Variants in IL9R observed in about 807,000 individuals in gnomAD.
IL9R encodes the protein interleukin 9 receptor.
In IL9R, 54 loss-of-function variants were observed where a neutral mutation model predicts 56.3. The ratio of observed to expected loss-of-function variants is 0.96; its 90% CI spans 0.77 to 1.20. The LOEUF is 1.20. Ranked by LOEUF, IL9R falls within the 50% of genes most tolerant of loss-of-function variation. The pLI, the probability that IL9R is intolerant of heterozygous loss-of-function variation, is 0.00. For synonymous variants in IL9R, 212 were observed against 250.2 expected (o/e 0.85, Z 1.44); for missense variants, 545 against 629.8 (o/e 0.87, Z 1.44).
Position 156,006,035 on chromosome X carries a change from C to T in IL9R, c.782-48C>T, listed in dbSNP as rs1212181256. On this transcript the variant is annotated intron_variant, in intron 6 of 8. Coordinates refer to ENST00000244174, the MANE Select transcript of IL9R (RefSeq NM_002186.3). ...TTTGCCAGGTGGGTTTGGGGGGAGC[C>T]TCCTGGCACTGAGGCTGCTCACAGC... 5.9e-6 allele frequency: 6 copies of T among 1,011,210 alleles called. No individual in the cohort carries two copies. In the African/African-American group the frequency reaches 8.0e-5, roughly 14 times the overall value. The allele number at this position is 1,011,210 out of a possible 1,614,324, so 62.6% of individuals were successfully genotyped here. A position where few individuals can be genotyped will look rare whatever the true frequency, so the allele number is the denominator to read the frequency against.
In IL9R at chrX:156,002,923, G is replaced by T. The variant is rs761022897; in HGVS notation, c.46G>T (p.Glu16Ter). ...CCTTGCAGGCTGGACCTTGGAGAGT[G>T]AGGCCCTGAGGCGAGACATGGGCAC... ...CIWEGWTLES[E>*]ALRRDMGTWL... The change falls in exon 2 of 9, where the codon GAG (glutamate) becomes TAG (stop). Residue 16 changes from glutamate (E) to a stop codon, truncating the protein, a stop_gained. Coordinates refer to ENST00000244174, the MANE Select transcript of IL9R (RefSeq NM_002186.3). LOFTEE classifies it high-confidence loss of function. 6.2e-7 allele frequency: 1 copy of T among 1,613,800 alleles called. No individual in the cohort carries two copies. Among genetic ancestry groups the T allele is most frequent in the Non-Finnish European group, 8.5e-7 (1 of 1,179,860 alleles).
rs1389941978 is a variant in IL9R, at chrX:156,005,429, A to G, written c.731A>G (p.Gln244Arg). 1.9e-6 allele frequency: 3 copies of G among 1,612,972 alleles called. No homozygotes were observed. The highest frequency in any genetic ancestry group is 2.5e-6 in the Non-Finnish European group (3 of 1,179,838). Residue 244 changes from glutamine (Q) to arginine (R), a missense_variant, in exon 6 of 9, where the codon CAG (glutamine) becomes CGG (arginine). Around this residue, in one of 2 missense-constraint regions of IL9R, gnomAD observed 431 missense variants for 360.0 expected, o/e 1.20. Coordinates refer to ENST00000244174, the MANE Select transcript of IL9R (RefSeq NM_002186.3). The stretch of plus-strand genomic sequence containing the variant: ...GTAGAGGAGGAGCGTTATACAGGCC[A>G]GTGGAGTGAGTGGAGCCAGCCTGTG... ...DVVEEERYTG[Q>R]WSEWSQPVCF...
rs144659666 is a variant in IL9R, at chrX:156,004,453, A to T, written c.467A>T (p.Asn156Ile). The part of the protein sequence containing the change: ...KLDPPSDLQS[N>I]ISSGHCILTW... Reference sequence around the variant, plus strand: ...GACCCGCCCTCTGACTTGCAGAGCAACATCAGTTCTGGCCACTGCATCCTG... The same window carrying T: ...GACCCGCCCTCTGACTTGCAGAGCATCATCAGTTCTGGCCACTGCATCCTG... The change falls in exon 5 of 9, where the codon AAC becomes ATC. Residue 156 changes from asparagine to isoleucine, a missense_variant. This residue lies in a region of IL9R where 431 missense variants were observed against 360.0 expected (regional missense o/e 1.20). Transcript: ENST00000244174. 41 of 1,613,864 alleles carry T rather than the reference A, an allele frequency of 2.5e-5. No homozygotes were observed. The African/African-American group carries it at 3.9e-4, about 15-fold the overall frequency.
intron 5 of IL9R, among the ~76,000 whole-genome samples, chrX:156,004,975 G>T (rs1461167340): frequency 3.3e-5 from 5 of 152,084 alleles, no homozygotes; most frequent in African/African-American, 1.2e-4. Flanking sequence ...GTGGTGAGTT[G>T]CTTCTGTGCA....
rs936491015 is a variant in IL9R at position 156,005,494 on chromosome X, GGCTGCTGCACTTCCAGC to G, written c.781+17_781+33del. On this transcript the variant is annotated intron_variant, in intron 6 of 8. Coordinates refer to ENST00000244174, the MANE Select transcript of IL9R (RefSeq NM_002186.3). ...CCAGAGACAAGGTGGGCACTGCTGT[GGCTGCTGCACTTCCAGC>G]GGAGTCTGGGCTGGGCGTCTTCTCC... The G allele has an allele frequency of 6.2e-7, 1 of 1,608,630 alleles. No homozygotes were observed. Among genetic ancestry groups the G allele is most frequent in the African/African-American group, 1.3e-5 (1 of 74,768 alleles).
At position 156,003,796 on chromosome X, in the gene IL9R, G is replaced by A. The variant is rs749604950; in HGVS notation, c.374G>A (p.Cys125Tyr). The part of the protein sequence containing the change: ...SDNFTITFHH[C>Y]MSGREQVSLV... ...AATTTCACCATCACTTTCCACCACT[G>A]CATGTCTGGGAGGGAGCAGGTCAGC... is the stretch of plus-strand genomic sequence containing the variant. Residue 125 changes from cysteine (C) to tyrosine (Y), a missense_variant, in exon 4 of 9, where the codon TGC becomes TAC. By Grantham distance (194) the Cys-to-Tyr change is radical. This residue lies in a region of IL9R where 431 missense variants were observed against 360.0 expected (regional missense o/e 1.20). Coordinates refer to ENST00000244174, the MANE Select transcript of IL9R (RefSeq NM_002186.3). 6.2e-7 allele frequency: 1 copy of A among 1,614,044 alleles called. No individual in the cohort carries two copies. The highest frequency in any genetic ancestry group is 8.5e-7 in the Non-Finnish European group (1 of 1,179,870).
Position 156,009,805 on chromosome X carries a change from C to T in IL9R, c.973-11C>T, listed in dbSNP as rs201861456. 1.9e-4 allele frequency: 248 copies of T among 1,299,388 alleles called. 56 individuals carry two copies. The highest frequency in any genetic ancestry group is 1.1e-4 in the African/African-American group (5 of 46,402). The allele number at this position is 1,299,388 out of a possible 1,614,324, so 80.5% of individuals were successfully genotyped here. ...ACCTGAGCCCTTCCCTCCTCCCGTG[C>T]TCTGTTCCAGACTTGGATGGGGGCC... is the stretch of plus-strand genomic sequence containing the variant. On this transcript the variant is annotated splice_polypyrimidine_tract_variant and intron_variant, in intron 8 of 8. Transcript: ENST00000244174.
At position 156,004,494 on chromosome X, in the gene IL9R, C is replaced by T. The variant is rs763423994; in HGVS notation, c.508C>T (p.Pro170Ser). The change falls in exon 5 of 9, where the codon CCT (proline) becomes TCT (serine). Residue 170 changes from proline (P) to serine (S), a missense_variant. By Grantham distance (74) the Pro-to-Ser change is moderately conservative (BLOSUM62 -1). Around this residue, in one of 2 missense-constraint regions of IL9R, gnomAD observed 431 missense variants for 360.0 expected, o/e 1.20. Transcript: ENST00000244174. The stretch of plus-strand genomic sequence containing the variant: ...CTGCATCCTGACCTGGAGCATCAGT[C>T]CTGCCTTGGAGCCAATGACCACACT... ...GHCILTWSIS[P>S]ALEPMTTLLS... is the part of the protein sequence containing the mutation. The T allele has an allele frequency of 1.9e-6, 3 of 1,613,736 alleles. No homozygotes were observed. The South Asian group carries it at 3.3e-5, about 18-fold the overall frequency.
intron 1 of IL9R, among the ~76,000 whole-genome samples, chrX:156,000,561 G>A (rs1410157558): frequency 1.3e-5 from 2 of 152,222 alleles, no homozygotes; most frequent in Non-Finnish European, 2.9e-5. Flanking sequence ...GGGGGTGTCA[G>A]GGGCAGCTCT....
chrX:156,009,635 G>A (rs1475745296), intron 8 of IL9R, among the ~76,000 whole-genome samples, 181 bp from the exon 9 acceptor site: 2 of 138,476 alleles, frequency 1.4e-5, no homozygotes, highest in African/African-American at 3.0e-5. Context: ...GGCTGGGCTG[G>A]CACATGGAGG....
chrX:156,009,358 T>A (rs2068321194), intron 8 of IL9R, among the ~76,000 whole-genome samples: 1 of 151,474 alleles, frequency 6.6e-6, no homozygotes, highest in Non-Finnish European at 1.5e-5. Flanking sequence ...GTCTCGTGTG[T>A]GTGTGTCTGT....
At position 156,004,238 on chromosome X, in the gene IL9R, G is replaced by A. The variant is rs916416675; in HGVS notation, c.434-182G>A. 4.3e-5 allele frequency: 27 copies of A among 627,468 alleles called. No individual in the cohort carries two copies. The African/African-American group carries it at 4.4e-4, about 10-fold the overall frequency. The allele number at this position is 627,468 out of a possible 1,614,324, so 38.9% of individuals were successfully genotyped here. On this transcript the variant is annotated intron_variant, in intron 4 of 8. Transcript: ENST00000244174. ...ACCTAGTCTAGGTGCAGAGGCCAGA[G>A]GAAGTCATTGCTGTCCTGTCCCGCC...
In IL9R at chrX:156,010,006, G is replaced by T. The variant is rs774675655; in HGVS notation, c.1163G>T (p.Ser388Ile). The stretch of plus-strand genomic sequence containing the variant: ...GGGACCAGGCTCCCGGGGAACCTGA[G>T]CTCAGAGGATGTGCTGCCAGCAGGG... ...GPGTRLPGNL[S>I]SEDVLPAGCT... The change falls in exon 9 of 9, where the codon AGC becomes ATC. Residue 388 changes from serine to isoleucine, a missense_variant. Ser to Ile is a moderately radical substitution (Grantham distance 142, BLOSUM62 -2). Transcript: ENST00000244174. 3 of 1,556,788 alleles carry T rather than the reference G, an allele frequency of 1.9e-6. No homozygotes were observed. Among genetic ancestry groups the T allele is most frequent in the Non-Finnish European group, 2.6e-6 (3 of 1,155,882 alleles).
At chrX:156,003,280 G>T (rs1038068172) in intron 2 of IL9R, among the ~76,000 whole-genome samples, 169 bp from the exon 3 acceptor site, 1 of 152,004 alleles carries the variant, frequency 6.6e-6, no homozygotes, top group South Asian at 2.1e-4. Flanking sequence ...TGTACCACAG[G>T]TCAGAGCCCA....
Position 156,005,396 on chromosome X carries a change from A to T in IL9R, c.698A>T (p.Asp233Val). Residue 233 changes from aspartate (D) to valine (V), a missense_variant, in exon 6 of 9, where the codon GAT becomes GTT. By Grantham distance (152) the Asp-to-Val change is radical. Transcript: ENST00000244174. ...CGTGTCCAGATGGCCACACTGGAGG[A>T]TGATGTGGTAGAGGAGGAGCGTTAT... ...RLRVQMATLEDDVVEEERYTG... is the reference protein window; with the variant it reads ...RLRVQMATLEVDVVEEERYTG... 1 of 1,612,944 alleles carries T rather than the reference A, an allele frequency of 6.2e-7. No homozygotes were observed. The highest frequency in any genetic ancestry group is 1.1e-5 in the South Asian group (1 of 91,012).
At chrX:155,999,628 C>G (rs1013391664) in intron 1 of IL9R, among the ~76,000 whole-genome samples, 7 of 152,140 alleles carry the variant, frequency 4.6e-5, no homozygotes, top group Admixed American at 4.6e-4. Flanking sequence ...GGCCCCTGCT[C>G]CCATTTCCAG....
At chrX:155,998,446 C>T (rs1490634578) in intron 1 of IL9R, among the ~76,000 whole-genome samples, 1 of 152,040 alleles carries the variant, frequency 6.6e-6, no homozygotes, top group African/African-American at 2.4e-5. Context: ...GATGTGGGCC[C>T]TGCTTGGATC....
chrX:156,004,591 G>C, intron 5 of IL9R, 26 bp downstream of exon 5: 1 of 1,611,456 alleles, frequency 6.2e-7, no homozygotes, highest in African/African-American at 1.3e-5. Context: ...GCTTTCCCTG[G>C]GGGCCTCTCT....
rs3093500 is a variant in IL9R, at chrX:156,004,260, C to T, written c.434-160C>T. 5.2e-3 allele frequency: 3,528 copies of T among 681,390 alleles called. 15 individuals are homozygous for T. The highest frequency in any genetic ancestry group is 0.023 in the Middle Eastern group (56 of 2,434). The allele number at this position is 681,390 out of a possible 1,614,324, so 42.2% of individuals were successfully genotyped here. ...AGAGGAAGTCATTGCTGTCCTGTCCCGCCTGGGGCTTTTGTGGACCAGTCT... is the reference window on the plus strand; with the variant it reads ...AGAGGAAGTCATTGCTGTCCTGTCCTGCCTGGGGCTTTTGTGGACCAGTCT... On this transcript the variant is annotated intron_variant, in intron 4 of 8. Transcript: ENST00000244174.
Sources: gnomAD v4.1 joint callset for allele counts (sites outside exome capture counted in the v4.1 genomes callset) on GRCh38, gnomAD v4.1.1 for gene constraint, gnomAD v4.1.1 regional missense constraint, MANE v1.5 for transcripts, NCBI Gene and HGNC (gene_info 2026-07-23, HGNC 2026-07-21) for gene names.